Variants in TRAPPC8 observed in about 807,000 individuals in gnomAD.
TRAPPC8 encodes general sporulation gene 1 homolog.
In TRAPPC8, 54 loss-of-function variants were observed where a neutral mutation model predicts 174.3. The observed-to-expected ratio is 0.31, with a 90% CI of 0.25 to 0.39. The LOEUF is 0.39. TRAPPC8 is among the 10% of genes least tolerant of loss of function. The pLI, the probability that TRAPPC8 is intolerant of heterozygous loss-of-function variation, is 1.00. For missense variants in TRAPPC8, 1,531 were observed against 1,699.1 expected, an observed-to-expected ratio of 0.90 and a Z score of 1.74; for synonymous variants, 630 against 579.9, an observed-to-expected ratio of 1.09 and a Z score of -1.24.
intron 9 of TRAPPC8, among the ~76,000 whole-genome samples, chr18:31,904,965 G>A (rs1444393985): frequency 2.6e-5 from 4 of 151,752 alleles, no homozygotes; most frequent in African/African-American, 7.3e-5. Context: ...AGGAGGTGGA[G>A]GATGCAGTGA....
intron 9 of TRAPPC8, among the ~76,000 whole-genome samples, chr18:31,901,632 T>C (rs2036430638): frequency 6.6e-6 from 1 of 152,138 alleles, no homozygotes; most frequent in African/African-American, 2.4e-5. Flanking sequence ...AAGAATGAAT[T>C]CTGGTGTCCA....
At chr18:31,851,961 T>C (rs1194824172) in intron 24 of TRAPPC8, among the ~76,000 whole-genome samples, 4 of 152,216 alleles carry the variant, frequency 2.6e-5, no homozygotes, top group Admixed American at 2.6e-4. Flanking sequence ...TAAAATGGTA[T>C]AGTCCATAAG....
At chr18:31,848,642 C>T (rs2033539305) in intron 25 of TRAPPC8, among the ~76,000 whole-genome samples, 1 of 152,132 alleles carries the variant, frequency 6.6e-6, no homozygotes, top group African/African-American at 2.4e-5. Flanking sequence ...AAAAGAAACA[C>T]TTCATAAAAA....
chr18:31,868,464 T>G (rs2034688656), intron 16 of TRAPPC8, among the ~76,000 whole-genome samples: 1 of 152,182 alleles, frequency 6.6e-6, no homozygotes, highest in Non-Finnish European at 1.5e-5. Context: ...ACTAATATAC[T>G]TAAAAAGCTA....
In TRAPPC8 at chr18:31,857,570, T is replaced by C. The variant is rs765440140; in HGVS notation, c.3158A>G (p.Tyr1053Cys). 1.9e-6 allele frequency: 3 copies of C among 1,606,206 alleles called. No individual in the cohort carries two copies. Among genetic ancestry groups the C allele is most frequent in the Middle Eastern group, 1.7e-4 (1 of 5,992 alleles). ...GVHEINFLFY[Y>C]ESVKKQPKIR... is the part of the protein sequence containing the mutation. ...TTTTGGCTGCTTTTTGACACTTTCATAGTAAAACAAAAAGTTAATTTCATG... is the reference window on the plus strand; with the variant it reads ...TTTTGGCTGCTTTTTGACACTTTCACAGTAAAACAAAAAGTTAATTTCATG... Residue 1053 changes from tyrosine to cysteine, a missense_variant, in exon 20 of 29, where the codon TAT becomes TGT. Tyr to Cys is a radical substitution (Grantham distance 194). Transcript: ENST00000283351.
rs190793401 is a variant in TRAPPC8, at chr18:31,851,451, G to T, written c.3561+995C>A. ...GGAATCAGAATTTGCATATTAACAA[G>T]ATTTCTGATAATTTACATTGGACAC... On this transcript the variant is annotated intron_variant, in intron 24 of 28. Transcript: ENST00000283351. Among the ~76,000 whole-genome samples the T allele has an allele frequency of 1.3e-3, 197 of 151,958 alleles. 1 individual carries two copies. The highest frequency in any genetic ancestry group is 4.6e-3 in the African/African-American group (189 of 41,468).
chr18:31,863,499 A>G (rs2034434883), intron 19 of TRAPPC8, among the ~76,000 whole-genome samples: 1 of 152,222 alleles, frequency 6.6e-6, no homozygotes, highest in South Asian at 2.1e-4. Context: ...CAAATAAAAG[A>G]ATACCATATG....
chr18:31,846,656 C>CA, intron 26 of TRAPPC8, 60 bp downstream of exon 26: 1 of 1,356,604 alleles, frequency 7.4e-7, no homozygotes, highest in Non-Finnish European at 1.0e-6. Flanking sequence ...ACCAACCAAA[C>CA]AACAACAAAA....
At chr18:31,831,548 G>A (rs1033477476) in intron 28 of TRAPPC8, among the ~76,000 whole-genome samples, 1 of 152,078 alleles carries the variant, frequency 6.6e-6, no homozygotes, top group Admixed American at 6.6e-5. Context: ...GTTGGAACTT[G>A]ATTTCAAACC....
Position 31,942,808 on chromosome 18 carries a change from C to G in TRAPPC8, c.-44G>C. 7.6e-7 allele frequency: 1 copy of G among 1,324,216 alleles called. No individual in the cohort carries two copies. The highest frequency in any genetic ancestry group is 9.7e-7 in the Non-Finnish European group (1 of 1,030,218). 82.0% of individuals were successfully genotyped at this position (1,324,216 alleles called of 1,614,324 possible). On this transcript the variant is annotated 5_prime_UTR_variant, in exon 1 of 29. Coordinates refer to ENST00000283351, the MANE Select transcript of TRAPPC8 (RefSeq NM_014939.5). Reference sequence around the variant, plus strand: ...GGCGGCGCCCGCCCTCCGGCCCACCCTGCGAGGTTATCCTGCGGCTGCAGC... The same window carrying G: ...GGCGGCGCCCGCCCTCCGGCCCACCGTGCGAGGTTATCCTGCGGCTGCAGC...
At chr18:31,915,090 G>C (rs1415856635) in intron 4 of TRAPPC8, among the ~76,000 whole-genome samples, 2 of 152,194 alleles carry the variant, frequency 1.3e-5, no homozygotes, top group African/African-American at 2.4e-5. Context: ...TAACAGCTAT[G>C]ATCTACAGTT....
chr18:31,936,938 C>T (rs1362185119), intron 1 of TRAPPC8, among the ~76,000 whole-genome samples: 3 of 140,172 alleles, frequency 2.1e-5, no homozygotes, highest in Non-Finnish European at 1.5e-5. Flanking sequence ...AGGAGCCAGG[C>T]GCGGTGGCTC....
intron 10 of TRAPPC8, 127 bp downstream of exon 10, chr18:31,900,798 A>C (rs2036387073): frequency 2.9e-6 from 2 of 689,974 alleles, no homozygotes. Context: ...CTAACTTTTT[A>C]AAAATCACCT....
Position 31,857,821 on chromosome 18 carries a change from T to A in TRAPPC8, c.2907A>T (p.Pro969=). The A allele has an allele frequency of 6.2e-7, 1 of 1,614,160 alleles. No homozygotes were observed. Among genetic ancestry groups the A allele is most frequent in the Non-Finnish European group, 8.5e-7 (1 of 1,180,032 alleles). ...TFGGNTAVLT[P]LSPSASENCS... is the part of the protein sequence containing the mutation. ...AATTCTCAGAAGCTGAGGGACTTAG[T>A]GGTGTTAGAACAGCAGTATTACCAC... The change falls in exon 20 of 29, where the codon CCA becomes CCT. Residue 969 remains proline (P), a synonymous_variant. Transcript: ENST00000283351.
chr18:31,860,275 A>C (rs1468177689), intron 19 of TRAPPC8, among the ~76,000 whole-genome samples: 1 of 152,096 alleles, frequency 6.6e-6, no homozygotes, highest in African/African-American at 2.4e-5. Context: ...AATGATACAT[A>C]TATATAATAG....
chr18:31,939,236 T>C (rs927342165), intron 1 of TRAPPC8: 1 of 152,184 alleles, frequency 6.6e-6, no homozygotes, highest in African/African-American at 2.4e-5. Flanking sequence ...AAATTTCTAA[T>C]GCTACTATCA....
rs550654092 is a variant in TRAPPC8, at chr18:31,839,451, G to A, written c.3844C>T (p.Pro1282Ser). 3 of 1,588,896 alleles carry A rather than the reference G, an allele frequency of 1.9e-6. No homozygotes were observed. Among genetic ancestry groups the A allele is most frequent in the East Asian group, 4.5e-5 (2 of 44,592 alleles). ...AAAAATTTCAATAGTTCCATTTCTGGTGGCTCCTGAGAAAAGAAAGAAAAA... is the reference window on the plus strand; with the variant it reads ...AAAAATTTCAATAGTTCCATTTCTGATGGCTCCTGAGAAAAGAAAGAAAAA... ...AFSYPQKQEP[P>S]EMELLKFFRP... The change falls in exon 27 of 29, where the codon CCA becomes TCA. Residue 1282 changes from proline (P) to serine (S), a missense_variant. Coordinates refer to ENST00000283351, the MANE Select transcript of TRAPPC8 (RefSeq NM_014939.5).
chr18:31,850,962 G>A (rs113945473), intron 24 of TRAPPC8, among the ~76,000 whole-genome samples: 6 of 152,250 alleles, frequency 3.9e-5, no homozygotes, highest in African/African-American at 1.4e-4. Flanking sequence ...TATTCAGGAA[G>A]CACAGTATCT....
chr18:31,863,728 A>G (rs1393191579), intron 19 of TRAPPC8, among the ~76,000 whole-genome samples: 1 of 152,022 alleles, frequency 6.6e-6, no homozygotes, highest in Admixed American at 6.6e-5. Flanking sequence ...ATGTGGGAGG[A>G]AGGGCCTTTT....
Sources: allele counts gnomAD v4.1 joint callset (sites outside exome capture counted in the v4.1 genomes callset), GRCh38; gene constraint gnomAD v4.1.1; transcripts MANE v1.5; gene names NCBI Gene and HGNC (gene_info 2026-07-23, HGNC 2026-07-21).